EPHA6: variants seen among roughly 807,000 people sequenced by gnomAD.
EPHA6 encodes the protein EPH receptor A6.
A neutral mutation model predicts 112.0 loss-of-function variants in EPHA6; 50 were observed. The observed-to-expected ratio is 0.45, with a 90% CI of 0.36 to 0.56. EPHA6 has a LOEUF of 0.56. EPHA6 is among the 20% of genes least tolerant of loss of function. The pLI is 0.00. For missense variants in EPHA6, 1,280 were observed against 1,417.4 expected, an observed-to-expected ratio of 0.90 and a Z score of 1.56; for synonymous variants, 529 against 490.7, an observed-to-expected ratio of 1.08 and a Z score of -1.03.
At chr3:97,333,882 GAA>G (rs1387789559) in intron 5 of EPHA6, among the ~76,000 whole-genome samples, 2 of 151,966 alleles carry the variant, frequency 1.3e-5, no homozygotes, top group Non-Finnish European at 2.9e-5. Context: ...CCTTTTTCCT[GAA>G]CTTATGGAGA....
chr3:97,384,943 G>A (rs920200896), intron 5 of EPHA6, among the ~76,000 whole-genome samples: 1 of 152,148 alleles, frequency 6.6e-6, no homozygotes, highest in Admixed American at 6.6e-5. Context: ...AGCTCTCCCA[G>A]GGTAAAAATA....
chr3:96,926,214 C>G (rs942836195), intron 2 of EPHA6, among the ~76,000 whole-genome samples: 2 of 152,072 alleles, frequency 1.3e-5, no homozygotes, highest in Non-Finnish European at 2.9e-5. Flanking sequence ...GGGGAACTGT[C>G]AAACACTTAT....
At chr3:96,948,865 A>T (rs189964236) in intron 2 of EPHA6, among the ~76,000 whole-genome samples, 1 of 152,152 alleles carries the variant, frequency 6.6e-6, no homozygotes, top group African/African-American at 2.4e-5. Flanking sequence ...ACCAGAAAAG[A>T]TGGATTGCTT....
intron 3 of EPHA6, among the ~76,000 whole-genome samples, chr3:97,125,161 G>A (rs929699854): frequency 1.3e-5 from 2 of 152,096 alleles, no homozygotes; most frequent in African/African-American, 4.8e-5. Context: ...CTTGTTTTGT[G>A]TTATTTAGGA....
At chr3:97,245,090 G>A (rs1327620304) in intron 5 of EPHA6, among the ~76,000 whole-genome samples, 1 of 152,012 alleles carries the variant, frequency 6.6e-6, no homozygotes, top group African/African-American at 2.4e-5. Flanking sequence ...ACACATATAT[G>A]AGAAAAATTT....
chr3:97,715,177 A>ACTCGTATG (rs1255964582), intron 14 of EPHA6, among the ~76,000 whole-genome samples: 1 of 152,068 alleles, frequency 6.6e-6, no homozygotes, highest in African/African-American at 2.4e-5. Flanking sequence ...CTTGGTACCC[A>ACTCGTATG]CTCGTATGGC....
At chr3:97,607,010 A>G (rs2093684798) in intron 12 of EPHA6, among the ~76,000 whole-genome samples, 1 of 151,068 alleles carries the variant, frequency 6.6e-6, no homozygotes, top group East Asian at 1.9e-4. Context: ...GAATGACTTA[A>G]ATCTGTAATA....
intron 14 of EPHA6, among the ~76,000 whole-genome samples, chr3:97,649,469 A>C (rs2094092024): frequency 6.6e-6 from 1 of 152,112 alleles, no homozygotes; most frequent in Admixed American, 6.6e-5. Flanking sequence ...GCATATATAG[A>C]ATATAAGAAC....
intron 4 of EPHA6, among the ~76,000 whole-genome samples, chr3:97,236,762 T>C (rs1408774649): frequency 6.6e-6 from 1 of 152,098 alleles, no homozygotes; most frequent in Non-Finnish European, 1.5e-5. Flanking sequence ...GTGTAAAGCA[T>C]GGTTTCTTTA....
chr3:97,507,025 G>A (rs1202804924), intron 10 of EPHA6, among the ~76,000 whole-genome samples: 1 of 152,120 alleles, frequency 6.6e-6, no homozygotes, highest in Non-Finnish European at 1.5e-5. Context: ...TGTATCCTGG[G>A]ACTTTGCTGA....
chr3:97,424,086 C>T lies in EPHA6; in HGVS notation c.1731+18812C>T, dbSNP rs575732748. Among the ~76,000 whole-genome samples, 355 of 152,276 alleles carry T rather than the reference C, an allele frequency of 2.3e-3. 3 individuals are homozygous for T. The highest frequency in any genetic ancestry group is 4.1e-3 in the South Asian group (20 of 4,824). On this transcript the variant is annotated intron_variant, in intron 6 of 17. Transcript: ENST00000389672. ...GTCCCACATGGCTGGTGAGGCCTCA[C>T]AATCATGGTGGAAGGCGAATGAGGA...
At position 97,749,684 on chromosome 3, in the gene EPHA6, G is replaced by T. The variant is rs906959315; in HGVS notation, c.*983G>T. 2.0e-5 allele frequency among the ~76,000 whole-genome samples: 3 copies of T among 152,124 alleles called. No homozygotes were observed. The highest frequency in any genetic ancestry group is 6.5e-5 in the Admixed American group (1 of 15,268). On this transcript the variant is annotated 3_prime_UTR_variant, in exon 18 of 18. Coordinates refer to ENST00000389672, the MANE Select transcript of EPHA6 (RefSeq NM_001080448.3). ...TAAAATACGTTAGATTATACCCTTA[G>T]ATTTAATGTAAAATTATTAATTTAA...
chr3:97,067,859 T>C (rs993262597), intron 3 of EPHA6, among the ~76,000 whole-genome samples: 12 of 151,968 alleles, frequency 7.9e-5, no homozygotes, highest in African/African-American at 2.9e-4. Flanking sequence ...GACTCAGGGA[T>C]AGGCCAGGCA....
chr3:97,117,697 C>T (rs1202286856), intron 3 of EPHA6, among the ~76,000 whole-genome samples: 1 of 151,742 alleles, frequency 6.6e-6, no homozygotes, highest in Admixed American at 6.6e-5. Context: ...AATACTAGTA[C>T]CATGCTGTTT....
At chr3:96,849,025 T>C (rs576453843) in intron 1 of EPHA6, among the ~76,000 whole-genome samples, 22 of 152,214 alleles carry the variant, frequency 1.4e-4, no homozygotes, top group African/African-American at 5.1e-4. Flanking sequence ...TAGGGGAAAA[T>C]ATATGCTTAT....
intron 5 of EPHA6, among the ~76,000 whole-genome samples, chr3:97,329,214 CATT>C (rs1424589151): frequency 2.6e-5 from 4 of 151,826 alleles, no homozygotes; most frequent in Non-Finnish European, 5.9e-5. Context: ...TCCAGTCTAT[CATT>C]GTTGGACATT....
chr3:97,370,703 T>C (rs1004998789), intron 5 of EPHA6, among the ~76,000 whole-genome samples: 1 of 152,186 alleles, frequency 6.6e-6, no homozygotes, highest in Non-Finnish European at 1.5e-5. Flanking sequence ...TCATACAGGA[T>C]GACAAATGAA....
At chr3:97,030,583 C>T (rs1001136653) in intron 3 of EPHA6, among the ~76,000 whole-genome samples, 1 of 152,026 alleles carries the variant, frequency 6.6e-6, no homozygotes, top group Non-Finnish European at 1.5e-5. Context: ...CTAGCATAAT[C>T]TTTTTAGTGA....
chr3:97,072,206 A>G (rs780102551), intron 3 of EPHA6, among the ~76,000 whole-genome samples: 2 of 152,298 alleles, frequency 1.3e-5, no homozygotes, highest in South Asian at 2.1e-4. Context: ...CGTTCTATCC[A>G]TAAAAAGGAA....
Sources: allele counts gnomAD v4.1 joint callset (sites outside exome capture counted in the v4.1 genomes callset), GRCh38; gene constraint gnomAD v4.1.1; transcripts MANE v1.5; gene names NCBI Gene and HGNC (gene_info 2026-07-23, HGNC 2026-07-21).